Variants in TTBK2 observed in about 807,000 individuals in gnomAD.
The protein encoded by TTBK2 is tau-tubulin kinase 2.
TTBK2 carries 28 observed loss-of-function variants against 110.8 expected under a neutral mutation model. That is an observed-to-expected ratio of 0.25 (90% confidence interval 0.19 to 0.35). The LOEUF is 0.35. Among genes scored for constraint, TTBK2 ranks in the 10% least tolerant of loss-of-function variants. The pLI is 1.00. For missense variants in TTBK2, 1,369 were observed against 1,500.3 expected (o/e 0.91, Z 1.45); for synonymous variants, 532 against 527.3 (o/e 1.01, Z -0.12).
intron 3 of TTBK2, among the ~76,000 whole-genome samples, chr15:42,870,277 A>T (rs1294443964): frequency 3.3e-5 from 5 of 152,152 alleles, no homozygotes; most frequent in Non-Finnish European, 7.3e-5. Context: ...AAAAGAGAGT[A>T]ATCTGACACA....
intron 1 of TTBK2, among the ~76,000 whole-genome samples, chr15:42,903,147 C>T (rs1172024125): frequency 6.6e-6 from 1 of 152,068 alleles, no homozygotes. Flanking sequence ...ACCTTAAAGA[C>T]ATCACACTAA....
chr15:42,841,245 T>G (rs35892314), intron 3 of TTBK2, among the ~76,000 whole-genome samples: 43 of 152,188 alleles, frequency 2.8e-4, no homozygotes, highest in Non-Finnish European at 4.9e-4. Flanking sequence ...CTCACTTTGC[T>G]GCCCAGGCTG....
chr15:42,850,920 T>G (rs1184782751), intron 3 of TTBK2, among the ~76,000 whole-genome samples: 1 of 151,898 alleles, frequency 6.6e-6, no homozygotes, highest in Non-Finnish European at 1.5e-5. Context: ...TGAGAGGCTG[T>G]AAGCCTTAAG....
chr15:42,773,678 A>C (rs1449235786), intron 13 of TTBK2, among the ~76,000 whole-genome samples: 1 of 152,142 alleles, frequency 6.6e-6, no homozygotes, highest in African/African-American at 2.4e-5. Context: ...GGCACACCAG[A>C]ATGCTGCTGG....
In TTBK2 at chr15:42,757,160, G is replaced by A. The variant is rs544118547; in HGVS notation, c.1999-3913C>T. On this transcript the variant is annotated intron_variant, in intron 13 of 14. Transcript: ENST00000267890. Reference sequence around the variant, plus strand: ...TCTTGCTTTGTCGCCCAGGCTAGGTGCAGTGGTGCAATCACAGCTCACTGC... The same window carrying A: ...TCTTGCTTTGTCGCCCAGGCTAGGTACAGTGGTGCAATCACAGCTCACTGC... Among the ~76,000 whole-genome samples the A allele has an allele frequency of 1.3e-4, 20 of 151,858 alleles. No individual in the cohort carries two copies. In the South Asian group the frequency reaches 2.3e-3, roughly 17 times the overall value.
At chr15:42,830,437 C>T (rs1023670713) in intron 4 of TTBK2, among the ~76,000 whole-genome samples, 6 of 152,158 alleles carry the variant, frequency 3.9e-5, no homozygotes, top group Admixed American at 2.0e-4. Flanking sequence ...ATCCACCTGC[C>T]TCAGCCTCCC....
At chr15:42,815,958 A>AATATATATATATATATTTAAAAAAAAAT (rs1891969111) in intron 7 of TTBK2, among the ~76,000 whole-genome samples, 1 of 91,716 alleles carries the variant, frequency 1.1e-5, no homozygotes, top group Non-Finnish European at 1.9e-5. Context: ...TTAAAAAAAA[A>AATATATATATATATATTTAAAAAAAAAT]ATATATATAT....
intron 14 of TTBK2, 106 bp from the exon 15 acceptor site, chr15:42,746,363 T>C (rs2061795563): frequency 1.1e-5 from 10 of 878,456 alleles, no homozygotes; most frequent in Admixed American, 4.5e-5. Context: ...AATCAGAAAA[T>C]AGACTAACAG....
intron 1 of TTBK2, among the ~76,000 whole-genome samples, chr15:42,899,347 G>C (rs1318649781): frequency 6.6e-6 from 1 of 151,994 alleles, no homozygotes; most frequent in African/African-American, 2.4e-5. Context: ...TGTAATCCCA[G>C]GACTTTTGGA....
chr15:42,848,479 A>C (rs1893558316), intron 3 of TTBK2, among the ~76,000 whole-genome samples: 1 of 151,984 alleles, frequency 6.6e-6, no homozygotes, highest in Non-Finnish European at 1.5e-5. Flanking sequence ...CAGCATACAG[A>C]ATATATACAT....
chr15:42,881,754 C>A (rs182460135), intron 1 of TTBK2, among the ~76,000 whole-genome samples: 1 of 151,770 alleles, frequency 6.6e-6, no homozygotes, highest in Non-Finnish European at 1.5e-5. Flanking sequence ...GCCTGTAATC[C>A]CAGCTACTCG....
At position 42,755,011 on chromosome 15, in the gene TTBK2, G is replaced by GAAAA. The variant is rs71431863; in HGVS notation, c.1999-1768_1999-1765dup. On this transcript the variant is annotated intron_variant, in intron 13 of 14. Coordinates refer to ENST00000267890, the MANE Select transcript of TTBK2 (RefSeq NM_173500.4). ...CAATAAGAGTGAAGCTCCATCTCAG[G>GAAAA]AAAAAAAAAAAAAAAAAAAAAAATC... is the stretch of plus-strand genomic sequence containing the variant. Among the ~76,000 whole-genome samples the GAAAA allele has an allele frequency of 2.4e-3, 168 of 69,830 alleles. 4 individuals carry two copies. The East Asian group carries it at 0.059, about 25-fold the overall frequency. The allele number at this position is 69,830 out of a possible 152,430, so 45.8% of individuals were successfully genotyped here.
chr15:42,869,773 G>C (rs1159579411), intron 3 of TTBK2, among the ~76,000 whole-genome samples: 1 of 152,142 alleles, frequency 6.6e-6, no homozygotes, highest in East Asian at 1.9e-4. Context: ...GAATACTTTA[G>C]AGAATAATAA....
intron 13 of TTBK2, among the ~76,000 whole-genome samples, chr15:42,756,876 AAAACAAAAACAAAAACAAAACACC>A (rs2061954611): frequency 6.6e-6 from 1 of 152,038 alleles, no homozygotes; most frequent in Non-Finnish European, 1.5e-5. Flanking sequence ...AAAAAAAACA[AAAACAAAAACAAAAACAAAACACC>A]AAAGCAACAA....
At chr15:42,813,183 T>C (rs1267181859) in intron 7 of TTBK2, among the ~76,000 whole-genome samples, 1 of 152,130 alleles carries the variant, frequency 6.6e-6, no homozygotes, top group Non-Finnish European at 1.5e-5. Context: ...CACATTTGAA[T>C]GCAGGACTCC....
At chr15:42,830,345 G>A (rs1892701041) in intron 4 of TTBK2, among the ~76,000 whole-genome samples, 1 of 152,006 alleles carries the variant, frequency 6.6e-6, no homozygotes, top group African/African-American at 2.4e-5. Context: ...ATGCCATCAT[G>A]CCCAGCAAAT....
At chr15:42,908,951 T>C (rs959995107) in intron 1 of TTBK2, among the ~76,000 whole-genome samples, 5 of 152,220 alleles carry the variant, frequency 3.3e-5, no homozygotes, top group Admixed American at 2.0e-4. Flanking sequence ...TTACTGTTGC[T>C]GTAACAAATA....
At chr15:42,881,346 C>T (rs72713802) in intron 1 of TTBK2, among the ~76,000 whole-genome samples, 4 of 80,320 alleles carry the variant, frequency 5.0e-5, no homozygotes, top group Non-Finnish European at 5.1e-5. Context: ...ACTCAAATTT[C>T]AAAAAAAAAA....
At chr15:42,834,453 A>C (rs1017679920) in intron 4 of TTBK2, among the ~76,000 whole-genome samples, 2 of 152,078 alleles carry the variant, frequency 1.3e-5, no homozygotes, top group Non-Finnish European at 2.9e-5. Flanking sequence ...CTTAACGGAG[A>C]AATGGCTGAT....
Sources: allele counts gnomAD v4.1 joint callset (sites outside exome capture counted in the v4.1 genomes callset), GRCh38; gene constraint gnomAD v4.1.1; transcripts MANE v1.5; gene names NCBI Gene and HGNC (gene_info 2026-07-23, HGNC 2026-07-21).